The following NCALD variants were observed in gnomAD, a reference collection of about 807,000 sequenced individuals.
The protein encoded by NCALD is neurocalcin-delta.
Under a neutral mutation model 18.6 loss-of-function variants are expected in NCALD, and 10 were observed. The observed-to-expected ratio is 0.54, with a 90% CI of 0.33 to 0.91. The LOEUF (loss-of-function observed/expected upper bound fraction) is 0.91. NCALD is among the 40% of genes least tolerant of loss of function. NCALD has a pLI of 0.03. For missense variants in NCALD, 184 were observed against 247.6 expected (o/e 0.74, Z 1.72); for synonymous variants, 88 against 87.4 (o/e 1.01, Z -0.04).
chr8:101,849,370 GAAA>G (rs1815000991), intron 4 of NCALD, among the ~76,000 whole-genome samples: 1 of 151,852 alleles, frequency 6.6e-6, no homozygotes, highest in African/African-American at 2.4e-5. Context: ...AAAAGTTGAA[GAAA>G]AAAATAGAAT....
intron 1 of NCALD, among the ~76,000 whole-genome samples, chr8:101,747,718 ATT>A (rs11415124): frequency 0.016 from 2,279 of 139,828 alleles, 87 homozygotes; most frequent in East Asian, 0.12. Context: ...AGGAAAAGTG[ATT>A]TTTTTTTTTT....
At chr8:101,845,000 A>G (rs1047149928) in intron 4 of NCALD, among the ~76,000 whole-genome samples, 13 of 152,182 alleles carry the variant, frequency 8.5e-5, no homozygotes, top group African/African-American at 1.2e-4. Context: ...CTAGTATACC[A>G]TAGACCTCAA....
intron 2 of NCALD, chr8:101,986,618 G>A (rs1354093346): frequency 2.6e-5 from 4 of 152,244 alleles, no homozygotes; most frequent in Non-Finnish European, 4.4e-5. Context: ...ACTCTATGCA[G>A]CTTTGCCCAT....
chr8:101,802,140 T>G (rs1812892706), intron 4 of NCALD, among the ~76,000 whole-genome samples: 1 of 152,172 alleles, frequency 6.6e-6, no homozygotes, highest in Non-Finnish European at 1.5e-5. Context: ...TGCAATGTTT[T>G]TAAACATTTT....
At chr8:101,979,016 T>C (rs1820522865) in intron 2 of NCALD, among the ~76,000 whole-genome samples, 1 of 152,130 alleles carries the variant, frequency 6.6e-6, no homozygotes, top group Admixed American at 6.6e-5. Context: ...GAGCAAACTA[T>C]TAATCAAATG....
At chr8:101,754,102 G>A (rs902135639) in intron 1 of NCALD, among the ~76,000 whole-genome samples, 12 of 152,210 alleles carry the variant, frequency 7.9e-5, no homozygotes, top group Middle Eastern at 3.4e-3. Context: ...GCCCTGGGGG[G>A]TGTGTCGACA....
chr8:101,850,479 A>G (rs992706983), intron 4 of NCALD, among the ~76,000 whole-genome samples: 1 of 152,228 alleles, frequency 6.6e-6, no homozygotes, highest in Admixed American at 6.5e-5. Flanking sequence ...GTGTTAGGTT[A>G]ATGTTTTCCT....
intron 3 of NCALD, among the ~76,000 whole-genome samples, chr8:101,909,096 G>C (rs1414545327): frequency 6.6e-6 from 1 of 152,146 alleles, no homozygotes; most frequent in Non-Finnish European, 1.5e-5. Flanking sequence ...TGACTGATCT[G>C]CTTTTTGTTC....
At position 102,043,542 on chromosome 8, in the gene NCALD, A is replaced by G. The variant is rs1033141372; in HGVS notation, c.-209-23253T>C. 2.6e-4 allele frequency among the ~76,000 whole-genome samples: 40 copies of G among 151,930 alleles called. 1 individual carries two copies. The highest frequency in any genetic ancestry group is 2.8e-4 in the Non-Finnish European group (19 of 68,026). ...GGGGCATGGAGAAGGAAAGGTCAAA[A>G]GAATTGAGACTATTAAGGAGTGAAC... On this transcript the variant is annotated intron_variant, in intron 1 of 6. Transcript: ENST00000311028.
At chr8:102,071,760 A>G (rs905089699) in intron 1 of NCALD, among the ~76,000 whole-genome samples, 1 of 152,210 alleles carries the variant, frequency 6.6e-6, no homozygotes, top group African/African-American at 2.4e-5. Context: ...AATGGCATAA[A>G]AAATCAAATA....
intron 1 of NCALD, among the ~76,000 whole-genome samples, chr8:102,089,219 C>G (rs1824842554): frequency 6.6e-6 from 1 of 151,882 alleles, no homozygotes. Flanking sequence ...ATGGTGAAAC[C>G]CCATCTCTAC....
chr8:102,040,844 A>G (rs1298772423), intron 1 of NCALD, among the ~76,000 whole-genome samples: 1 of 152,200 alleles, frequency 6.6e-6, no homozygotes, highest in Non-Finnish European at 1.5e-5. Flanking sequence ...GACACTTTCT[A>G]GTCAAAGATT....
chr8:101,877,784 A>G (rs1374215088), intron 4 of NCALD, among the ~76,000 whole-genome samples: 1 of 152,272 alleles, frequency 6.6e-6, no homozygotes, highest in East Asian at 1.9e-4. Context: ...GTTGATATAT[A>G]TAAAGTACTT....
intron 1 of NCALD, among the ~76,000 whole-genome samples, chr8:102,038,824 T>C (rs181329292): frequency 1.3e-5 from 2 of 152,264 alleles, no homozygotes; most frequent in Admixed American, 6.5e-5. Flanking sequence ...GGATGGTCAC[T>C]TCCTCAATTA....
intron 4 of NCALD, among the ~76,000 whole-genome samples, chr8:101,826,844 G>A (rs748430849): frequency 1.5e-4 from 23 of 152,170 alleles, no homozygotes; most frequent in Non-Finnish European, 2.9e-4. Flanking sequence ...TAAAATCACT[G>A]TTGTGCATAG....
At chr8:101,704,480 G>A (rs1382491360) in intron 2 of NCALD, among the ~76,000 whole-genome samples, 1 of 152,072 alleles carries the variant, frequency 6.6e-6, no homozygotes, top group African/African-American at 2.4e-5. Flanking sequence ...GAGAGGCCGC[G>A]GTGACTTCTG....
chr8:101,934,577 C>T (rs1818692106), intron 2 of NCALD, among the ~76,000 whole-genome samples: 1 of 151,904 alleles, frequency 6.6e-6, no homozygotes, highest in African/African-American at 2.4e-5. Flanking sequence ...GAGTCGGGAG[C>T]TTCAGGAAGG....
chr8:101,788,141 C>G (rs1812303983), intron 1 of NCALD, among the ~76,000 whole-genome samples: 1 of 152,160 alleles, frequency 6.6e-6, no homozygotes, highest in Non-Finnish European at 1.5e-5. Flanking sequence ...AATTCACACA[C>G]TCGAAGAATA....
At chr8:101,715,556 T>C (rs568645387) in intron 2 of NCALD, among the ~76,000 whole-genome samples, 6 of 152,118 alleles carry the variant, frequency 3.9e-5, no homozygotes, top group Non-Finnish European at 8.8e-5. Flanking sequence ...GAGAAAAATT[T>C]TGCAATCTAT....
Sources: gnomAD v4.1 joint callset for allele counts (sites outside exome capture counted in the v4.1 genomes callset) on GRCh38, gnomAD v4.1.1 for gene constraint, MANE v1.5 for transcripts, NCBI Gene and HGNC (gene_info 2026-07-23, HGNC 2026-07-21) for gene names.